The following IL17RA variants were observed in gnomAD, a reference collection of about 807,000 sequenced individuals.
The protein encoded by IL17RA is interleukin 17 receptor A.
IL17RA carries 34 observed loss-of-function variants against 50.4 expected under a neutral mutation model. That is an observed-to-expected ratio of 0.67 (90% CI 0.51 to 0.90). The LOEUF (loss-of-function observed/expected upper bound fraction) is 0.90. Among genes scored for constraint, IL17RA ranks in the 40% least tolerant of loss-of-function variants. IL17RA has a pLI of 0.00. For synonymous variants in IL17RA, 585 were observed against 510.4 expected (o/e 1.15, Z -1.97); for missense variants, 1,276 against 1,169.8 (o/e 1.09, Z -1.32).
Position 17,097,904 on chromosome 22 carries a change from T to C in IL17RA, c.271T>C (p.Phe91Leu). 2 of 1,614,190 alleles carry C rather than the reference T, an allele frequency of 1.2e-6. No individual in the cohort carries two copies. Among genetic ancestry groups the C allele is most frequent in the South Asian group, 2.2e-5 (2 of 91,082 alleles). ...TGCCCACACCCAACAAGGAGACCTG[T>C]TCCCCGTGGCTCACATCGAATGGAC... Reference protein sequence around the residue: ...HFAHTQQGDLFPVAHIEWTLQ... With the variant: ...HFAHTQQGDLLPVAHIEWTLQ... The change falls in exon 3 of 13, where the codon TTC becomes CTC. Residue 91 changes from phenylalanine to leucine, a missense_variant. Transcript: ENST00000319363.
chr22:17,104,625 G>T, intron 8 of IL17RA, 101 bp from the exon 9 acceptor site: 1 of 1,052,292 alleles, frequency 9.5e-7, no homozygotes, highest in Non-Finnish European at 1.4e-6. Context: ...AGATCGTGGT[G>T]TAGCCAGCCA....
Position 17,112,891 on chromosome 22 carries a change from A to G in IL17RA, c.*3071A>G, listed in dbSNP as rs759654015. The G allele has an allele frequency of 6.6e-6, 1 of 151,862 alleles. No individual in the cohort carries two copies. Among genetic ancestry groups the G allele is most frequent in the Non-Finnish European group, 1.5e-5 (1 of 67,986 alleles). The allele number at this position is 151,862 out of a possible 1,614,324, so 9.4% of individuals were successfully genotyped here. Reference sequence around the variant, plus strand: ...GAAAGAAGCAGCGGAGCATCTAACCATGCCTGTGTCCAGGCCGATTATGCA... The same window carrying G: ...GAAAGAAGCAGCGGAGCATCTAACCGTGCCTGTGTCCAGGCCGATTATGCA... On this transcript the variant is annotated 3_prime_UTR_variant, in exon 13 of 13. Coordinates refer to ENST00000319363, the MANE Select transcript of IL17RA (RefSeq NM_014339.7).
chr22:17,107,453 A>C (rs946166303), intron 11 of IL17RA, among the ~76,000 whole-genome samples: 4 of 152,252 alleles, frequency 2.6e-5, no homozygotes, highest in Admixed American at 2.6e-4. Context: ...ACACACACTC[A>C]TTTAATACCC....
Position 17,109,596 on chromosome 22 carries a change from GA to G in IL17RA, c.2378del (p.Asp793AlafsTer44). ...EEEQRQSVQSDQGYISRSSPQ... is the reference protein window; with the variant it reads ...EEEQRQSVQSXQGYISRSSPQ... ...GGAGCAGCGGCAGTCAGTGCAGTCT[GA>G]CCAGGGCTACATCTCCAGGAGCTCC... On this transcript the variant is annotated frameshift_variant, in exon 13 of 13. Transcript: ENST00000319363. LOFTEE classifies it low-confidence loss of function (END_TRUNC). 4 of 1,603,410 alleles carry G rather than the reference GA, an allele frequency of 2.5e-6. No individual in the cohort carries two copies. The highest frequency in any genetic ancestry group is 2.6e-6 in the Non-Finnish European group (3 of 1,175,166).
At position 17,103,571 on chromosome 22, in the gene IL17RA, A is replaced by G; in HGVS notation, c.840A>G (p.Gln280=). The change falls in exon 8 of 13, where the codon CAA becomes CAG. Residue 280 remains glutamine (Q), a synonymous_variant. Transcript: ENST00000319363. The stretch of plus-strand genomic sequence containing the variant: ...ACCTTAAAGGGTGCTGTCGCCACCA[A>G]GTGCAGGTGGGTGAGTGTGGTGTGG... ...LRNLKGCCRH[Q]VQIQPFFSSC... 6.2e-7 allele frequency: 1 copy of G among 1,612,090 alleles called. No homozygotes were observed. Among genetic ancestry groups the G allele is most frequent in the Non-Finnish European group, 8.5e-7 (1 of 1,179,144 alleles).
At position 17,108,381 on chromosome 22, in the gene IL17RA, C is replaced by T; in HGVS notation, c.1162C>T (p.His388Tyr). 1.2e-6 allele frequency: 2 copies of T among 1,614,056 alleles called. No individual in the cohort carries two copies. The highest frequency in any genetic ancestry group is 1.7e-6 in the Non-Finnish European group (2 of 1,179,948). The change falls in exon 13 of 13, where the codon CAC (histidine) becomes TAC (tyrosine). Residue 388 changes from histidine (H) to tyrosine (Y), a missense_variant. Physicochemically the swap from His to Tyr is moderately conservative, Grantham distance 83 (BLOSUM62 2). Coordinates refer to ENST00000319363, the MANE Select transcript of IL17RA (RefSeq NM_014339.7). ...GGTCTGGATCATCTACTCAGCCGAC[C>T]ACCCCCTCTACGTGGACGTGGTCCT... ...RKVWIIYSAD[H>Y]PLYVDVVLKF...
chr22:17,105,532 G>C, intron 9 of IL17RA, 59 bp from the exon 10 acceptor site: 5 of 1,557,120 alleles, frequency 3.2e-6, no homozygotes, highest in Non-Finnish European at 4.4e-6. Flanking sequence ...TGTGTTTCTT[G>C]TGATGACTGG....
At chr22:17,094,718 T>TATATATATATATAG in intron 1 of IL17RA, among the ~76,000 whole-genome samples, 1 of 116,282 alleles carries the variant, frequency 8.6e-6, no homozygotes, top group Non-Finnish European at 1.8e-5. Context: ...TATATATATA[T>TATATATATATATAG]TCAGGGAGAT....
Position 17,108,692 on chromosome 22 carries a change from G to T in IL17RA, c.1473G>T (p.Lys491Asn), listed in dbSNP as rs1247109019. The change falls in exon 13 of 13, where the codon AAG becomes AAT. Residue 491 changes from lysine (K) to asparagine (N), a missense_variant. Physicochemically the swap from Lys to Asn is moderately conservative, Grantham distance 94 (BLOSUM62 0). Coordinates refer to ENST00000319363, the MANE Select transcript of IL17RA (RefSeq NM_014339.7). ...TGAACATGATCCTCCCGGACTTCAAGAGGCCAGCCTGCTTCGGCACCTACG... is the reference window on the plus strand; with the variant it reads ...TGAACATGATCCTCCCGGACTTCAATAGGCCAGCCTGCTTCGGCACCTACG... ...AAMNMILPDF[K>N]RPACFGTYVV... is the part of the protein sequence containing the mutation. The T allele has an allele frequency of 6.2e-7, 1 of 1,609,424 alleles. No individual in the cohort carries two copies.
chr22:17,097,915 T>G lies in IL17RA; in HGVS notation c.282T>G (p.Ala94=), dbSNP rs780080788. ...AACAAGGAGACCTGTTCCCCGTGGC[T>G]CACATCGAATGGACACTGCAGACAG... ...HTQQGDLFPV[A]HIEWTLQTDA... The change falls in exon 3 of 13, where the codon GCT becomes GCG. Residue 94 remains alanine (A), a synonymous_variant. Coordinates refer to ENST00000319363, the MANE Select transcript of IL17RA (RefSeq NM_014339.7). 1 of 1,614,104 alleles carries G rather than the reference T, an allele frequency of 6.2e-7. No homozygotes were observed. The highest frequency in any genetic ancestry group is 1.1e-5 in the South Asian group (1 of 91,078).
Position 17,088,739 on chromosome 22 carries a change from C to T in IL17RA, c.138+3510C>T, listed in dbSNP as rs1362612845. ...CTGACCTCAAGTGTTCTGCCCACCTCGGCCTCCCAAAGTGCTGGGATTACA... is the reference window on the plus strand; with the variant it reads ...CTGACCTCAAGTGTTCTGCCCACCTTGGCCTCCCAAAGTGCTGGGATTACA... On this transcript the variant is annotated intron_variant, in intron 1 of 12. Transcript: ENST00000319363. Among the ~76,000 whole-genome samples the T allele has an allele frequency of 4.6e-5, 7 of 152,226 alleles. No homozygotes were observed. In the South Asian group the frequency reaches 6.2e-4, roughly 14 times the overall value.
At position 17,098,895 on chromosome 22, in the gene IL17RA, C is replaced by T. The variant is rs770065743; in HGVS notation, c.423+8C>T. 10 of 1,604,670 alleles carry T rather than the reference C, an allele frequency of 6.2e-6. No individual in the cohort carries two copies. The highest frequency in any genetic ancestry group is 8.5e-6 in the Non-Finnish European group (10 of 1,171,502). ...AGGCATCACCACAGGCGGGTAAGAA[C>T]ACAGCTCCTGAGTGGATTATGTTCC... On this transcript the variant is annotated splice_region_variant and intron_variant, in intron 4 of 12. Transcript: ENST00000319363.
In IL17RA at chr22:17,110,324, C is replaced by T. The variant is rs1230350941; in HGVS notation, c.*504C>T. ...GCCAGCCTGGCCAACATGGTGAAAC[C>T]CCATCTCCACTAAAAATAGAAAAAT... On this transcript the variant is annotated 3_prime_UTR_variant, in exon 13 of 13. Coordinates refer to ENST00000319363, the MANE Select transcript of IL17RA (RefSeq NM_014339.7). The T allele has an allele frequency of 5.5e-6, 1 of 182,828 alleles. No individual in the cohort carries two copies. The allele number at this position is 182,828 out of a possible 1,614,324, so 11.3% of individuals were successfully genotyped here. A position where few individuals can be genotyped will look rare whatever the true frequency, so the allele number is the denominator to read the frequency against.
rs762540559 is a variant in IL17RA, at chr22:17,108,642, G to A, written c.1423G>A (p.Val475Met). 3 of 1,606,188 alleles carry A rather than the reference G, an allele frequency of 1.9e-6. No individual in the cohort carries two copies. Among genetic ancestry groups the A allele is most frequent in the South Asian group, 1.1e-5 (1 of 91,080 alleles). ...VRLRCDHGKP[V>M]GDLFTAAMNM... is the part of the protein sequence containing the mutation. ...GCTGCGCTGCGACCACGGAAAGCCC[G>A]TGGGGGACCTGTTCACTGCAGCCAT... The change falls in exon 13 of 13, where the codon GTG (valine) becomes ATG (methionine). Residue 475 changes from valine to methionine, a missense_variant. Physicochemically the swap from Val to Met is conservative, Grantham distance 21. Transcript: ENST00000319363.
Position 17,100,283 on chromosome 22 carries a change from G to A in IL17RA, c.424-72G>A, listed in dbSNP as rs536757874. ...AATATTCGGGAGTGGGTGGGAACGG[G>A]GGTCTTTGGGCATAGATGGGTGACA... On this transcript the variant is annotated intron_variant, in intron 4 of 12. Transcript: ENST00000319363. 2.2e-4 allele frequency: 349 copies of A among 1,585,724 alleles called. 1 individual carries two copies. In the South Asian group the frequency reaches 3.0e-3, roughly 13 times the overall value.
Position 17,085,224 on chromosome 22 carries a change from C to A in IL17RA, c.133C>A (p.Gln45Lys), listed in dbSNP as rs1006074686. 1.5e-5 allele frequency: 23 copies of A among 1,537,960 alleles called. 2 individuals carry two copies. Among genetic ancestry groups the A allele is most frequent in the Non-Finnish European group, 8.7e-7 (1 of 1,145,998 alleles). Residue 45 changes from glutamine to lysine, a missense_variant, in exon 1 of 13, where the codon CAG becomes AAG. By Grantham distance (53) the Gln-to-Lys change is moderately conservative. Coordinates refer to ENST00000319363, the MANE Select transcript of IL17RA (RefSeq NM_014339.7). ...GGACCACCGGGCGCTGGTCTGCTCCCAGCCGGTGAGACTCGACGTGGGGAG... is the reference window on the plus strand; with the variant it reads ...GGACCACCGGGCGCTGGTCTGCTCCAAGCCGGTGAGACTCGACGTGGGGAG... ...LLDHRALVCS[Q>K]PGLNCTVKNS... is the part of the protein sequence containing the mutation.
Position 17,100,472 on chromosome 22 carries a change from C to T in IL17RA, c.541C>T (p.Leu181Phe), listed in dbSNP as rs1200060346. The T allele has an allele frequency of 6.2e-7, 1 of 1,614,006 alleles. No homozygotes were observed. The highest frequency in any genetic ancestry group is 8.5e-7 in the Non-Finnish European group (1 of 1,180,016). The change falls in exon 5 of 13, where the codon CTT becomes TTT. Residue 181 changes from leucine to phenylalanine, a missense_variant. Leu to Phe is a conservative substitution (Grantham distance 22). Coordinates refer to ENST00000319363, the MANE Select transcript of IL17RA (RefSeq NM_014339.7). Reference protein sequence around the residue: ...GDPNHQSKNFLVPDCEHARMK... With the variant: ...GDPNHQSKNFFVPDCEHARMK... The stretch of plus-strand genomic sequence containing the variant: ...CCCAAACCACCAGTCCAAGAATTTC[C>T]TTGTGCCTGGTAAGAGCATCCTCCC...
rs1373515545 is a variant in IL17RA at position 17,112,755 on chromosome 22, TAATA to T, written c.*2939_*2942del. ...TTTTTGTATTATTCTGAACCATGGC[TAATA>T]AATTGTTTCACCAAGAAATGTCTCT... is the stretch of plus-strand genomic sequence containing the variant. On this transcript the variant is annotated 3_prime_UTR_variant, in exon 13 of 13. Transcript: ENST00000319363. 1 of 152,220 alleles carries T rather than the reference TAATA, an allele frequency of 6.6e-6. No individual in the cohort carries two copies. Among genetic ancestry groups the T allele is most frequent in the Non-Finnish European group, 1.5e-5 (1 of 68,042 alleles). The allele number at this position is 152,220 out of a possible 1,614,324, so 9.4% of individuals were successfully genotyped here.
chr22:17,091,654 G>A (rs1054872353), intron 1 of IL17RA, among the ~76,000 whole-genome samples: 37 of 151,830 alleles, frequency 2.4e-4, no homozygotes, highest in East Asian at 3.9e-4. Context: ...CTCCAGCCTG[G>A]GTGACAGAGC....
Sources: allele counts gnomAD v4.1 joint callset (sites outside exome capture counted in the v4.1 genomes callset), GRCh38; gene constraint gnomAD v4.1.1; transcripts MANE v1.5; gene names NCBI Gene and HGNC (gene_info 2026-07-23, HGNC 2026-07-21).